SLC28A1: variants seen among roughly 807,000 people sequenced by gnomAD.
The protein encoded by SLC28A1 is solute carrier family 28 member 1.
In SLC28A1, 64 loss-of-function variants were observed where a neutral mutation model predicts 74.8. The observed-to-expected ratio is 0.86, with a 90% CI of 0.70 to 1.05. The LOEUF (loss-of-function observed/expected upper bound fraction) is 1.05, where lower values mean the gene tolerates loss of function less well. SLC28A1 is among the 50% of genes least tolerant of loss of function. The probability of loss-of-function intolerance (pLI) is 0.00; values close to 1 mark genes in which losing one functional copy is unlikely to be tolerated. For synonymous variants in SLC28A1, 359 were observed against 335.0 expected (o/e 1.07, Z -0.78); for missense variants, 828 against 822.8 (o/e 1.01, Z -0.08).
At chr15:84,928,584 T>TCTC (rs1970839927) in intron 12 of SLC28A1, among the ~76,000 whole-genome samples, 10 of 19,818 alleles carry the variant, frequency 5.0e-4, no homozygotes, top group Non-Finnish European at 6.9e-4. Flanking sequence ...CTTTCTTTCT[T>TCTC]TCTTTCTTTC....
chr15:84,918,532 C>A lies in SLC28A1; in HGVS notation c.804C>A (p.Pro268=), dbSNP rs749759430. The A allele has an allele frequency of 6.2e-7, 1 of 1,613,684 alleles. No homozygotes were observed. The highest frequency in any genetic ancestry group is 1.7e-5 in the Admixed American group (1 of 60,008). The change falls in exon 10 of 19, where the codon CCC becomes CCA. Residue 268 remains proline, a synonymous_variant. Transcript: ENST00000394573. The stretch of plus-strand genomic sequence containing the variant: ...GATCTCCTTCCCGGCAGGTTCTGCC[C>A]ATCATTGTCTTTTTCAGCTGTGTCA... ...VKDVFAFQVL[P]IIVFFSCVIS... is the part of the protein sequence containing the mutation.
At chr15:84,929,601 T>G (rs1229318794) in intron 12 of SLC28A1, among the ~76,000 whole-genome samples, 1 of 150,914 alleles carries the variant, frequency 6.6e-6, no homozygotes, top group East Asian at 1.9e-4. Context: ...TGCCTGTCAT[T>G]TCAGTACTTT....
intron 8 of SLC28A1, among the ~76,000 whole-genome samples, chr15:84,906,575 TTCCTTCCTTCCTTCCTTCCTTC>T (rs1967255088): frequency 5.1e-5 from 2 of 39,538 alleles, no homozygotes; most frequent in Non-Finnish European, 1.1e-4. Flanking sequence ...TCTTTCTTTC[TTCCTTCCTTCCTTCCTTCCTTC>T]CTTCCTTCCT....
intron 15 of SLC28A1, among the ~76,000 whole-genome samples, chr15:84,942,237 A>T (rs973830401): frequency 6.6e-6 from 1 of 152,220 alleles, no homozygotes; most frequent in African/African-American, 2.4e-5. Context: ...CACATCATGG[A>T]GAATGGGGTA....
At chr15:84,918,423 G>T (rs1188423504) in intron 9 of SLC28A1, 101 bp from the exon 10 acceptor site, 23 of 843,784 alleles carry the variant, frequency 2.7e-5, no homozygotes, top group Non-Finnish European at 4.6e-5. Flanking sequence ...GAGTGGCAAG[G>T]CCTGGGATGG....
At chr15:84,919,035 G>A (rs1969484169) in intron 10 of SLC28A1, among the ~76,000 whole-genome samples, 1 of 152,126 alleles carries the variant, frequency 6.6e-6, no homozygotes. Context: ...CTTTCCCAGG[G>A]TCTCCTGTCA....
intron 15 of SLC28A1, among the ~76,000 whole-genome samples, chr15:84,940,024 C>T (rs1302348953): frequency 1.3e-5 from 2 of 152,038 alleles, no homozygotes; most frequent in Non-Finnish European, 2.9e-5. Flanking sequence ...GACGGGGTCT[C>T]GCCGTATTGC....
chr15:84,971,823 T>C, the SLC28A1 span, among the ~76,000 whole-genome samples: 52 of 152,280 alleles, frequency 3.4e-4, no homozygotes, highest in African/African-American at 9.6e-4. Context: ...CTAATTTTTG[T>C]ATTTTTATAG....
At chr15:84,920,373 G>A (rs1969658876) in intron 10 of SLC28A1, among the ~76,000 whole-genome samples, 1 of 151,896 alleles carries the variant, frequency 6.6e-6, no homozygotes, top group Non-Finnish European at 1.5e-5. Context: ...TTGAACCTGG[G>A]AGGCAGAGGT....
In SLC28A1 at chr15:84,935,303, A is replaced by G. The variant is rs907166926; in HGVS notation, c.1384-18A>G. ...CCAGGCCCAGCCCTCGGTGCCAGCC[A>G]TACCGTTGTGCCCTCAGCTCATCTG... On this transcript the variant is annotated intron_variant, in intron 14 of 18. Transcript: ENST00000394573. The G allele has an allele frequency of 1.2e-6, 2 of 1,613,944 alleles. No individual in the cohort carries two copies. The highest frequency in any genetic ancestry group is 1.7e-6 in the Non-Finnish European group (2 of 1,179,950).
chr15:84,908,768 G>T lies in SLC28A1; in HGVS notation c.768G>T (p.Ala256=). 6.2e-7 allele frequency: 1 copy of T among 1,613,908 alleles called. No homozygotes were observed. The highest frequency in any genetic ancestry group is 8.5e-7 in the Non-Finnish European group (1 of 1,179,986). The part of the protein sequence containing the change: ...KAGSSFVFGE[A]LVKDVFAFQV... ...GCTCCAGCTTCGTGTTTGGGGAGGC[G>T]CTGGTCAAGGATGTCTTTGCCTTTC... The change falls in exon 9 of 19, where the codon GCG becomes GCT. Residue 256 remains alanine, a synonymous_variant. Transcript: ENST00000394573.
the SLC28A1 span, among the ~76,000 whole-genome samples, chr15:84,970,544 C>T: frequency 6.6e-6 from 1 of 152,186 alleles, no homozygotes; most frequent in Non-Finnish European, 1.5e-5. Context: ...CCTCCCCTCA[C>T]AGATGGGGAC....
intron 5 of SLC28A1, among the ~76,000 whole-genome samples, chr15:84,891,862 G>C (rs1965408103): frequency 6.6e-6 from 1 of 152,144 alleles, no homozygotes; most frequent in African/African-American, 2.4e-5. Flanking sequence ...GTTTGGGGTG[G>C]GAGACACTTT....
At chr15:84,958,548 TTTTG>T in the SLC28A1 span, among the ~76,000 whole-genome samples, 4 of 152,002 alleles carry the variant, frequency 2.6e-5, no homozygotes, top group African/African-American at 4.8e-5. Context: ...TCTTACAGTT[TTTTG>T]TTTGTTTGTT....
At chr15:84,924,261 T>C in intron 12 of SLC28A1, 151 bp downstream of exon 12, 1 of 967,750 alleles carries the variant, frequency 1.0e-6, no homozygotes, top group Non-Finnish European at 1.6e-6. Flanking sequence ...CTGAGCCCAG[T>C]GGGCTGGACC....
At chr15:84,928,782 C>T (rs572149678) in intron 12 of SLC28A1, among the ~76,000 whole-genome samples, 3 of 151,630 alleles carry the variant, frequency 2.0e-5, no homozygotes, top group Non-Finnish European at 4.4e-5. Context: ...CGCCACCAAC[C>T]CAGCTAATTT....
At chr15:84,933,424 C>T in intron 13 of SLC28A1, 149 bp downstream of exon 13, 1 of 897,490 alleles carries the variant, frequency 1.1e-6, no homozygotes, top group South Asian at 1.5e-5. Flanking sequence ...GCTTCATTTG[C>T]TGTCTTAGTC....
In SLC28A1 at chr15:84,904,127, G is replaced by C. The variant is rs201691274; in HGVS notation, c.492G>C (p.Leu164=). 119 of 1,614,184 alleles carry C rather than the reference G, an allele frequency of 7.4e-5. No individual in the cohort carries two copies. The East Asian group carries it at 1.2e-3, about 16-fold the overall frequency. Residue 164 remains leucine, a synonymous_variant, in exon 7 of 19, where the codon CTG becomes CTC. Transcript: ENST00000394573. ...TAGCTCTTGCTGCTTTCCTGGGCCTGGTCCTGTGGCTGTCTCTGGACACCT... is the reference window on the plus strand; with the variant it reads ...TAGCTCTTGCTGCTTTCCTGGGCCTCGTCCTGTGGCTGTCTCTGGACACCT... ...RGLALAAFLG[L]VLWLSLDTSQ... is the part of the protein sequence containing the mutation.
rs377541097 is a variant in SLC28A1 at position 84,895,437 on chromosome 15, C to T, written c.461+314C>T. ...CAGTACCTCCCTCAGATCACCTGGA[C>T]AGTGTGAGACAAAAAGCCGCAGGGA... On this transcript the variant is annotated intron_variant, in intron 6 of 18. Coordinates refer to ENST00000394573, the MANE Select transcript of SLC28A1 (RefSeq NM_004213.5). The T allele has an allele frequency of 2.2e-5, 35 of 1,613,696 alleles. No homozygotes were observed. The Admixed American group carries it at 3.7e-4, about 17-fold the overall frequency.
Sources: gnomAD v4.1 joint callset for allele counts (sites outside exome capture counted in the v4.1 genomes callset) on GRCh38, gnomAD v4.1.1 for gene constraint, MANE v1.5 for transcripts, NCBI Gene and HGNC (gene_info 2026-07-23, HGNC 2026-07-21) for gene names.